The following DACH2 variants were observed in gnomAD, a reference collection of about 807,000 sequenced individuals.
DACH2 encodes dachshund homolog 2.
Under a neutral mutation model 35.8 loss-of-function variants are expected in DACH2, and 17 were observed. The ratio of observed to expected loss-of-function variants is 0.48; its 90% CI spans 0.33 to 0.71. The LOEUF (loss-of-function observed/expected upper bound fraction) is 0.71, where lower values mean the gene tolerates loss of function less well. Among genes scored for constraint, DACH2 ranks in the 30% least tolerant of loss-of-function variants. DACH2 has a pLI of 0.02. For synonymous variants in DACH2, 195 were observed against 177.3 expected (o/e 1.10, Z -0.79); for missense variants, 469 against 472.7 (o/e 0.99, Z 0.07).
At chrX:86,206,286 A>T (rs1365748960) in intron 1 of DACH2, among the ~76,000 whole-genome samples, 2 of 110,817 alleles carry the variant, frequency 1.8e-5, no homozygotes, top group Non-Finnish European at 3.8e-5. Flanking sequence ...AAGGGGAAAA[A>T]AAAAAAGAAA....
chrX:86,211,084 T>C (rs1344950302), intron 1 of DACH2, among the ~76,000 whole-genome samples: 1 of 111,392 alleles, frequency 9.0e-6, no homozygotes, highest in Non-Finnish European at 1.9e-5. Flanking sequence ...TTACTGAGGG[T>C]TTGTTCTGTT....
At chrX:86,434,949 G>T (rs1483477025) in intron 2 of DACH2, among the ~76,000 whole-genome samples, 3 of 110,325 alleles carry the variant, frequency 2.7e-5, no homozygotes, top group Non-Finnish European at 5.7e-5. Context: ...GGAGGGGGAA[G>T]TGCCACATGC....
chrX:86,615,458 A>G (rs1365741975), intron 3 of DACH2, among the ~76,000 whole-genome samples: 1 of 111,619 alleles, frequency 9.0e-6, no homozygotes, highest in East Asian at 2.8e-4. Flanking sequence ...GTCTGGTGGC[A>G]GAACTGGACT....
intron 3 of DACH2, among the ~76,000 whole-genome samples, chrX:86,526,592 A>G (rs2038636593): frequency 9.0e-6 from 1 of 111,187 alleles, no homozygotes; most frequent in Non-Finnish European, 1.9e-5. Flanking sequence ...TCATACACAT[A>G]CCTGAGTCAA....
intron 1 of DACH2, among the ~76,000 whole-genome samples, chrX:86,351,158 G>T (rs1254949158): frequency 5.2e-5 from 1 of 19,179 alleles, no homozygotes; most frequent in Non-Finnish European, 7.1e-5. Context: ...GTTCACCCAT[G>T]ATTTGGCTCT....
intron 2 of DACH2, among the ~76,000 whole-genome samples, chrX:86,445,715 T>G (rs2037260152): frequency 9.1e-6 from 1 of 110,471 alleles, no homozygotes; most frequent in Non-Finnish European, 1.9e-5. Flanking sequence ...GTCACTGTGG[T>G]AAGAAAAAAT....
At chrX:86,357,961 T>C (rs1458949451) in intron 1 of DACH2, among the ~76,000 whole-genome samples, 1 of 111,996 alleles carries the variant, frequency 8.9e-6, no homozygotes, top group Non-Finnish European at 1.9e-5. Context: ...CAAGGACAAC[T>C]AGAAGTTTGT....
intron 1 of DACH2, among the ~76,000 whole-genome samples, chrX:86,318,637 A>T (rs1283238203): frequency 9.0e-6 from 1 of 110,907 alleles, no homozygotes; most frequent in Non-Finnish European, 1.9e-5. Context: ...ATTCTCTAAG[A>T]TATAACCTGG....
intron 2 of DACH2, among the ~76,000 whole-genome samples, chrX:86,403,474 A>G (rs1407075577): frequency 3.6e-5 from 4 of 112,187 alleles, no homozygotes. Flanking sequence ...ACAATAAGAT[A>G]CCATTTCACA....
Position 86,521,494 on chromosome X carries a change from T to G in DACH2, c.640+7103T>G, listed in dbSNP as rs139948803. 9.3e-3 allele frequency among the ~76,000 whole-genome samples: 1,037 copies of G among 111,902 alleles called. 17 individuals carry two copies. The highest frequency in any genetic ancestry group is 0.032 in the African/African-American group (992 of 30,820). Reference sequence around the variant, plus strand: ...ATGGATGACATTCTGAAATATGTTTTTCAAGTTACTCATACTGTCATACTC... The same window carrying G: ...ATGGATGACATTCTGAAATATGTTTGTCAAGTTACTCATACTGTCATACTC... On this transcript the variant is annotated intron_variant, in intron 3 of 11. Coordinates refer to ENST00000373125, the MANE Select transcript of DACH2 (RefSeq NM_053281.3).
chrX:86,391,109 C>T (rs1294140030), intron 2 of DACH2, among the ~76,000 whole-genome samples: 3 of 104,613 alleles, frequency 2.9e-5, no homozygotes, highest in Non-Finnish European at 5.9e-5. Flanking sequence ...GGTGAAACTC[C>T]GTCTCTACTA....
intron 6 of DACH2, among the ~76,000 whole-genome samples, chrX:86,732,457 A>G (rs1209502124): frequency 8.9e-6 from 1 of 112,531 alleles, no homozygotes; most frequent in Non-Finnish European, 1.9e-5. Context: ...AAGCCATCAT[A>G]ATTTGTTAGT....
At chrX:86,244,849 A>G (rs184132661) in intron 1 of DACH2, among the ~76,000 whole-genome samples, 2 of 112,484 alleles carry the variant, frequency 1.8e-5, no homozygotes, top group East Asian at 5.6e-4. Flanking sequence ...GCCACTAAAA[A>G]TTATTATAGA....
rs538866709 is a variant in DACH2 at position 86,733,698 on chromosome X, T to A, written c.1105-6049T>A. The stretch of plus-strand genomic sequence containing the variant: ...GTTCTGATAACACATTTAAGAAATT[T>A]AAGTTGGAAGCTGTTATTTGGCAGT... On this transcript the variant is annotated intron_variant, in intron 6 of 11. Transcript: ENST00000373125. Among the ~76,000 whole-genome samples, 15 of 111,664 alleles carry A rather than the reference T, an allele frequency of 1.3e-4. No individual in the cohort carries two copies. In the South Asian group the frequency reaches 2.2e-3, roughly 17 times the overall value.
In DACH2 at chrX:86,300,976, A is replaced by G. The variant is rs765143400; in HGVS notation, c.489-75848A>G. On this transcript the variant is annotated intron_variant, in intron 1 of 11. Transcript: ENST00000373125. The stretch of plus-strand genomic sequence containing the variant: ...TTGGCCATATTGTGAACAATGTAGT[A>G]TGAAGTGGATTCCTTTAGTTGTTCA... Among the ~76,000 whole-genome samples the G allele has an allele frequency of 1.1e-3, 118 of 112,340 alleles. 1 individual carries two copies. The highest frequency in any genetic ancestry group is 3.6e-3 in the African/African-American group (111 of 30,988).
chrX:86,180,038 T>C (rs2031425105), intron 1 of DACH2, among the ~76,000 whole-genome samples: 1 of 106,975 alleles, frequency 9.3e-6, no homozygotes, highest in African/African-American at 3.4e-5. Flanking sequence ...TTTAGCACAT[T>C]AGTCCTATTT....
chrX:86,720,465 G>A (rs1327126066), intron 6 of DACH2, among the ~76,000 whole-genome samples: 3 of 111,626 alleles, frequency 2.7e-5, no homozygotes, highest in Non-Finnish European at 5.6e-5. Flanking sequence ...ATACAAGTCC[G>A]CAATCCAATA....
chrX:86,660,695 A>C (rs746494889), intron 4 of DACH2, among the ~76,000 whole-genome samples: 2 of 111,605 alleles, frequency 1.8e-5, no homozygotes, highest in African/African-American at 6.5e-5. Context: ...ACAATGCCAG[A>C]TTTCAAAGTT....
chrX:86,289,884 G>A (rs28750771), intron 1 of DACH2, among the ~76,000 whole-genome samples: 297 of 108,679 alleles, frequency 2.7e-3, no homozygotes, highest in African/African-American at 9.4e-3. Context: ...ATAAACATAC[G>A]TGTGCATGTG....
Sources: allele counts gnomAD v4.1 joint callset (sites outside exome capture counted in the v4.1 genomes callset), GRCh38; gene constraint gnomAD v4.1.1; transcripts MANE v1.5; gene names NCBI Gene and HGNC (gene_info 2026-07-23, HGNC 2026-07-21).